The following MAGI3 variants were observed in gnomAD, a reference collection of about 807,000 sequenced individuals.
MAGI3 encodes membrane-associated guanylate kinase, WW and PDZ domain-containing protein 3.
MAGI3 carries 43 observed loss-of-function variants against 121.8 expected under a neutral mutation model. The ratio of observed to expected loss-of-function variants is 0.35; its 90% CI spans 0.28 to 0.46. MAGI3 has a LOEUF of 0.46. MAGI3 is among the 20% of genes least tolerant of loss of function. The pLI is 1.00. For missense variants in MAGI3, 1,547 were observed against 1,797.3 expected, an observed-to-expected ratio of 0.86 and a Z score of 2.52; for synonymous variants, 553 against 639.3, an observed-to-expected ratio of 0.86 and a Z score of 2.04.
intron 1 of MAGI3, among the ~76,000 whole-genome samples, chr1:113,480,566 A>G (rs1264402467): frequency 2.0e-5 from 3 of 152,158 alleles, no homozygotes; most frequent in Admixed American, 2.0e-4. Flanking sequence ...TCTGTGGTGA[A>G]GTCATGTGCT....
chr1:113,480,361 G>C (rs1271365234), intron 1 of MAGI3, among the ~76,000 whole-genome samples: 1 of 152,150 alleles, frequency 6.6e-6, no homozygotes. Flanking sequence ...CCTGGTACTG[G>C]GGGGAGTTCT....
intron 6 of MAGI3, among the ~76,000 whole-genome samples, chr1:113,599,692 A>G (rs1228157547): frequency 5.3e-5 from 8 of 151,672 alleles, no homozygotes; most frequent in Middle Eastern, 6.8e-3. Context: ...ATCAATAGAA[A>G]AAGAGGGAAT....
At chr1:113,455,814 G>A (rs1654723126) in intron 1 of MAGI3, among the ~76,000 whole-genome samples, 1 of 152,118 alleles carries the variant, frequency 6.6e-6, no homozygotes, top group Non-Finnish European at 1.5e-5. Flanking sequence ...TTCTCCCCAA[G>A]TATATCATAA....
At chr1:113,611,419 A>G (rs1210597081) in intron 6 of MAGI3, among the ~76,000 whole-genome samples, 1 of 152,122 alleles carries the variant, frequency 6.6e-6, no homozygotes, top group African/African-American at 2.4e-5. Context: ...ATATTTGATA[A>G]TGTATCACTT....
intron 9 of MAGI3, among the ~76,000 whole-genome samples, chr1:113,639,226 G>A (rs1403167574): frequency 6.6e-6 from 1 of 152,214 alleles, no homozygotes; most frequent in Non-Finnish European, 1.5e-5. Context: ...CTCGCACACG[G>A]TGCGCTGCAC....
chr1:113,471,621 TA>T (rs1158230200), intron 1 of MAGI3, among the ~76,000 whole-genome samples: 1 of 152,162 alleles, frequency 6.6e-6, no homozygotes, highest in East Asian at 1.9e-4. Context: ...AGTAGATACA[TA>T]AACCAGTAAC....
chr1:113,437,806 T>TTCTTC (rs1653654507), intron 1 of MAGI3, among the ~76,000 whole-genome samples: 3 of 119,500 alleles, frequency 2.5e-5, no homozygotes, highest in Admixed American at 1.9e-4. Flanking sequence ...TCTTTCTTCT[T>TTCTTC]TTCTTCTTCT....
intron 1 of MAGI3, among the ~76,000 whole-genome samples, chr1:113,504,308 A>G (rs1013585140): frequency 6.6e-6 from 1 of 152,136 alleles, no homozygotes; most frequent in Admixed American, 6.5e-5. Context: ...AAATATTTGT[A>G]ACAGAGATGC....
chr1:113,668,282 C>T (rs1483814632), intron 16 of MAGI3, among the ~76,000 whole-genome samples: 1 of 152,170 alleles, frequency 6.6e-6, no homozygotes. Flanking sequence ...CATACCTATA[C>T]TTACAGACAG....
chr1:113,443,619 TGTGA>T (rs148047791), intron 1 of MAGI3, among the ~76,000 whole-genome samples: 3,539 of 152,318 alleles, frequency 0.023, 131 homozygotes, highest in African/African-American at 0.081. Context: ...AATGGAATAT[TGTGA>T]GTAACTGGTA....
Position 113,597,530 on chromosome 1 carries a change from A to G in MAGI3, c.1018+2970A>G, listed in dbSNP as rs140935406. ...ACTTATGCACTTCACAAAAGAAGAT[A>G]AAAGAAGAGTCAAGAAGAACATGAA... On this transcript the variant is annotated intron_variant, in intron 6 of 20. Transcript: ENST00000307546. 2.4e-4 allele frequency among the ~76,000 whole-genome samples: 36 copies of G among 152,320 alleles called. No homozygotes were observed. In the East Asian group the frequency reaches 6.8e-3, roughly 29 times the overall value.
intron 1 of MAGI3, among the ~76,000 whole-genome samples, chr1:113,512,473 A>G (rs1473200874): frequency 2.6e-5 from 4 of 152,218 alleles, no homozygotes; most frequent in Non-Finnish European, 4.4e-5. Context: ...TTTCTCCTCA[A>G]CATGTAGTTT....
intron 2 of MAGI3, among the ~76,000 whole-genome samples, chr1:113,550,786 A>T (rs192862291): frequency 0.012 from 1,758 of 150,916 alleles, 20 homozygotes; most frequent in African/African-American, 0.032. Flanking sequence ...AACGAAAAAA[A>T]ATATATATAT....
chr1:113,506,616 C>A (rs1346265425), intron 1 of MAGI3, among the ~76,000 whole-genome samples: 1 of 152,062 alleles, frequency 6.6e-6, no homozygotes, highest in Admixed American at 6.6e-5. Context: ...CTCAAACAAC[C>A]CTATTGTAAC....
chr1:113,564,872 C>T (rs1660379276), intron 2 of MAGI3, among the ~76,000 whole-genome samples: 1 of 151,610 alleles, frequency 6.6e-6, no homozygotes, highest in Non-Finnish European at 1.5e-5. Context: ...ATTTTTGAGA[C>T]AGAGTCTTGC....
chr1:113,629,757 T>TCTCCCTCTCTCCCTCTCC (rs1416449345), intron 9 of MAGI3, among the ~76,000 whole-genome samples: 8 of 95,694 alleles, frequency 8.4e-5, no homozygotes, highest in African/African-American at 2.1e-4. Context: ...TCTCTCTCTC[T>TCTCCCTCTCTCCCTCTCC]CTCTCCCTCC....
At position 113,391,645 on chromosome 1, in the gene MAGI3, A is replaced by T. The variant is rs992626707; in HGVS notation, c.316+296A>T. ...AGCTCCATCTCCCCCCGCAGACAAGAGTTTTTGACTAGAGAAGGCCAGCCT... is the reference window on the plus strand; with the variant it reads ...AGCTCCATCTCCCCCCGCAGACAAGTGTTTTTGACTAGAGAAGGCCAGCCT... On this transcript the variant is annotated intron_variant, in intron 1 of 20. Transcript: ENST00000307546. The surrounding 1 kb of genome is among the most constrained non-coding windows in gnomAD (Gnocchi z 4.4). Among the ~76,000 whole-genome samples, 5 of 152,114 alleles carry T rather than the reference A, an allele frequency of 3.3e-5. No individual in the cohort carries two copies. Among genetic ancestry groups the T allele is most frequent in the Non-Finnish European group, 5.9e-5 (4 of 68,012 alleles).
chr1:113,654,304 A>G (rs930283062), intron 15 of MAGI3, among the ~76,000 whole-genome samples: 1 of 152,256 alleles, frequency 6.6e-6, no homozygotes, highest in Admixed American at 6.5e-5. Flanking sequence ...TATGGATTTA[A>G]TGAAAGGTAT....
chr1:113,639,557 A>G (rs186859874), intron 9 of MAGI3, among the ~76,000 whole-genome samples: 28 of 151,004 alleles, frequency 1.9e-4, no homozygotes, highest in African/African-American at 6.8e-4. Flanking sequence ...GCACGCCACC[A>G]TGCCTGGCTA....
Sources: gnomAD v4.1 joint callset for allele counts (sites outside exome capture counted in the v4.1 genomes callset) on GRCh38, gnomAD v4.1.1 for gene constraint, Gnocchi (gnomAD v3.1) non-coding constraint, MANE v1.5 for transcripts, NCBI Gene and HGNC (gene_info 2026-07-23, HGNC 2026-07-21) for gene names.